The following ZMYM1 variants were observed in gnomAD, a reference collection of about 807,000 sequenced individuals.
The protein encoded by ZMYM1 is zinc finger MYM-type containing 1.
Under a neutral mutation model 60.0 loss-of-function variants are expected in ZMYM1, and 39 were observed. That is an observed-to-expected ratio of 0.65 (90% confidence interval 0.50 to 0.85). The LOEUF (loss-of-function observed/expected upper bound fraction) is 0.85. Among genes scored for constraint, ZMYM1 ranks in the 40% least tolerant of loss-of-function variants. ZMYM1 has a pLI of 0.00. For missense variants in ZMYM1, 1,171 were observed against 1,309.5 expected (o/e 0.89, Z 1.63); for synonymous variants, 413 against 454.0 (o/e 0.91, Z 1.15).
chr1:35,091,616 G>T (rs1190013660), intron 1 of ZMYM1, among the ~76,000 whole-genome samples: 1 of 151,964 alleles, frequency 6.6e-6, no homozygotes, highest in South Asian at 2.1e-4. Context: ...GTGATCATAG[G>T]CTGGGAGCAG....
chr1:35,110,491 AAAT>A (rs762475471), intron 7 of ZMYM1, 44 bp downstream of exon 7: 240 of 1,273,518 alleles, frequency 1.9e-4, no homozygotes, highest in Non-Finnish European at 2.3e-4. Flanking sequence ...AATTATTAAT[AAAT>A]AATATTATTT....
intron 1 of ZMYM1, among the ~76,000 whole-genome samples, chr1:35,091,706 G>C (rs1030410718): frequency 6.7e-6 from 1 of 150,110 alleles, no homozygotes; most frequent in African/African-American, 2.5e-5. Flanking sequence ...ATCAGTCTGG[G>C]CAACATAGGG....
At chr1:35,075,209 G>A (rs1021815590), upstream of ZMYM1, among the ~76,000 whole-genome samples, 1 of 152,062 alleles carries the variant, frequency 6.6e-6, no homozygotes, top group African/African-American at 2.4e-5. Flanking sequence ...GGCTACTCCT[G>A]CTTACTTTTG....
At position 35,093,854 on chromosome 1, in the gene ZMYM1, A is replaced by G. The variant is rs1472588037; in HGVS notation, c.-74-60A>G. 4 of 602,140 alleles carry G rather than the reference A, an allele frequency of 6.6e-6. No homozygotes were observed. In the African/African-American group the frequency reaches 7.7e-5, roughly 12 times the overall value. 37.3% of individuals were successfully genotyped at this position (602,140 alleles called of 1,614,324 possible). On this transcript the variant is annotated intron_variant, in intron 1 of 9. Coordinates refer to ENST00000359858, the MANE Select transcript of ZMYM1 (RefSeq NM_024772.5). ...AAAGACCCTTTTGTGGTTCTAGAAAATTACCATATTTAAAAGGACTAATTT... is the reference window on the plus strand; with the variant it reads ...AAAGACCCTTTTGTGGTTCTAGAAAGTTACCATATTTAAAAGGACTAATTT...
Position 35,092,221 on chromosome 1 carries a change from C to T in ZMYM1, c.-74-1693C>T, listed in dbSNP as rs140689540. Reference sequence around the variant, plus strand: ...GATTACAGGCATGAGCCACTGCGCCCGGCCAAAGACTTCGTTTTTTTGTTT... The same window carrying T: ...GATTACAGGCATGAGCCACTGCGCCTGGCCAAAGACTTCGTTTTTTTGTTT... On this transcript the variant is annotated intron_variant, in intron 1 of 9. Coordinates refer to ENST00000359858, the MANE Select transcript of ZMYM1 (RefSeq NM_024772.5). Among the ~76,000 whole-genome samples the T allele has an allele frequency of 2.0e-3, 309 of 151,046 alleles. 1 individual carries two copies. Among genetic ancestry groups the T allele is most frequent in the African/African-American group, 7.2e-3 (295 of 41,118 alleles).
chr1:35,076,748 C>A (rs574435351), upstream of ZMYM1, among the ~76,000 whole-genome samples: 1 of 152,106 alleles, frequency 6.6e-6, no homozygotes, highest in Non-Finnish European at 1.5e-5. Context: ...GACTGGCCAA[C>A]ATGGCGAAAC....
At chr1:35,060,143 G>GTTGTTA (rs1240821248) in intron 1 of ZMYM1, among the ~76,000 whole-genome samples, 44 of 144,098 alleles carry the variant, frequency 3.1e-4, no homozygotes, top group African/African-American at 9.8e-4. Flanking sequence ...ACTATTTGTT[G>GTTGTTA]TTATTATTAT....
At chr1:35,068,392 C>T (rs1642008604) in intron 1 of ZMYM1, among the ~76,000 whole-genome samples, 1 of 144,232 alleles carries the variant, frequency 6.9e-6, no homozygotes, top group Non-Finnish European at 1.5e-5. Flanking sequence ...GCACTCCAGC[C>T]TGGGCAACAG....
intron 6 of ZMYM1, among the ~76,000 whole-genome samples, chr1:35,106,608 C>CAAAAAAAA (rs752085700): frequency 2.6e-5 from 1 of 38,836 alleles, no homozygotes; most frequent in African/African-American, 9.2e-5. Context: ...GACTCCGTCT[C>CAAAAAAAA]AAAAAAAAAA....
chr1:35,114,859 C>T lies in ZMYM1; in HGVS notation c.3029C>T (p.Ala1010Val). 1 of 1,606,106 alleles carries T rather than the reference C, an allele frequency of 6.2e-7. No homozygotes were observed. ...KWNEPLNETT[A>V]KHVQEFYKLD... ...AATGAACCATTAAATGAAACAACAG[C>T]AAAACATGTTCAGGAATTTTATAAA... Residue 1010 changes from alanine to valine, a missense_variant, in exon 10 of 10, where the codon GCA becomes GTA. Ala to Val is a moderately conservative substitution (Grantham distance 64, BLOSUM62 0). Coordinates refer to ENST00000359858, the MANE Select transcript of ZMYM1 (RefSeq NM_024772.5).
At chr1:35,091,945 A>G (rs997510709) in intron 1 of ZMYM1, among the ~76,000 whole-genome samples, 12 of 145,360 alleles carry the variant, frequency 8.3e-5, no homozygotes, top group African/African-American at 2.5e-4. Flanking sequence ...TTTTGTTTTG[A>G]GATGGAGTCT....
upstream of ZMYM1, among the ~76,000 whole-genome samples, chr1:35,078,575 GTCTC>G (rs1459034209): frequency 2.1e-5 from 2 of 95,382 alleles, no homozygotes; most frequent in Non-Finnish European, 3.5e-5. Context: ...TTGAGACGCA[GTCTC>G]TCTCTGTCGC....
chr1:35,097,251 T>C, intron 3 of ZMYM1, 66 bp from the exon 4 acceptor site: 1 of 1,507,176 alleles, frequency 6.6e-7, no homozygotes, highest in Non-Finnish European at 8.9e-7. Context: ...AGAAAGAAAA[T>C]AAAGGAATGC....
intron 6 of ZMYM1, among the ~76,000 whole-genome samples, chr1:35,109,075 A>G (rs2148560672): frequency 6.6e-6 from 1 of 151,910 alleles, no homozygotes; most frequent in East Asian, 1.9e-4. Context: ...GCTGGAGTGC[A>G]ATGGCATGAT....
At chr1:35,079,855 T>TA (rs1281083441) in intron 1 of ZMYM1, among the ~76,000 whole-genome samples, 1 of 152,230 alleles carries the variant, frequency 6.6e-6, no homozygotes, top group African/African-American at 2.4e-5. Context: ...CTCAAGCCTG[T>TA]AATCCCGACA....
intron 4 of ZMYM1, among the ~76,000 whole-genome samples, chr1:35,101,390 C>T (rs1045336470): frequency 6.7e-6 from 1 of 150,302 alleles, no homozygotes; most frequent in Admixed American, 6.7e-5. Flanking sequence ...TGTGAGCCAC[C>T]GTGCCTGGCC....
chr1:35,112,486 TTA>T (rs556558531), intron 9 of ZMYM1, among the ~76,000 whole-genome samples: 2 of 145,380 alleles, frequency 1.4e-5, no homozygotes, highest in African/African-American at 2.5e-5. Flanking sequence ...CCCAGATTTT[TTA>T]TATATATATA....
rs1364605094 is a variant in ZMYM1 at position 35,073,327 on chromosome 1, G to GAGAA, written c.-300-5656_-300-5653dup. 9.6e-3 allele frequency among the ~76,000 whole-genome samples: 827 copies of GAGAA among 86,458 alleles called. 21 individuals are homozygous for GAGAA. Among genetic ancestry groups the GAGAA allele is most frequent in the African/African-American group, 0.027 (770 of 28,788 alleles). The allele number at this position is 86,458 out of a possible 152,430, so 56.7% of individuals were successfully genotyped here. A position where few individuals can be genotyped will look rare whatever the true frequency, so the allele number is the denominator to read the frequency against. The stretch of plus-strand genomic sequence containing the variant: ...GAAGGAAGGAAGAAAAAAAGAAAGG[G>GAGAA]AGAAAGAAAGAAAGGAAGGAAGGAA... On this transcript the variant is annotated intron_variant, in intron 1 of 10. Transcript: ENST00000417119.
chr1:35,101,209 A>G (rs956624160), intron 4 of ZMYM1, among the ~76,000 whole-genome samples: 1 of 150,664 alleles, frequency 6.6e-6, no homozygotes. Context: ...CCCAGGTTCA[A>G]GCGATTCTTC....
Sources: gnomAD v4.1 joint callset for allele counts (sites outside exome capture counted in the v4.1 genomes callset) on GRCh38, gnomAD v4.1.1 for gene constraint, MANE v1.5 for transcripts, NCBI Gene and HGNC (gene_info 2026-07-23, HGNC 2026-07-21) for gene names.